The following CAB39 variants were observed in gnomAD, a reference collection of about 807,000 sequenced individuals.
The protein encoded by CAB39 is calcium binding protein 39.
A neutral mutation model predicts 40.0 loss-of-function variants in CAB39; 8 were observed. That is an observed-to-expected ratio of 0.20 (90% CI 0.12 to 0.36). The LOEUF (loss-of-function observed/expected upper bound fraction) is 0.36, where lower values mean the gene tolerates loss of function less well. Ranked by LOEUF, CAB39 falls within the 10% of genes least tolerant of loss-of-function variation. The pLI, the probability that CAB39 is intolerant of heterozygous loss-of-function variation, is 1.00. For synonymous variants in CAB39, 156 were observed against 141.6 expected, an observed-to-expected ratio of 1.10 and a Z score of -0.72; for missense variants, 270 against 401.1, an observed-to-expected ratio of 0.67 and a Z score of 2.79.
chr2:230,801,149 G>A (rs1387097274), intron 5 of CAB39, among the ~76,000 whole-genome samples: 1 of 152,290 alleles, frequency 6.6e-6, no homozygotes, highest in African/African-American at 2.4e-5. Context: ...CCCCCCAAAA[G>A]AGGGTTCTCC....
chr2:230,806,835 G>A (rs770256720), intron 5 of CAB39, among the ~76,000 whole-genome samples: 1 of 152,108 alleles, frequency 6.6e-6, no homozygotes, highest in Non-Finnish European at 1.5e-5. Context: ...GTAGGAAATG[G>A]GGCCAAATGG....
intron 1 of CAB39, among the ~76,000 whole-genome samples, chr2:230,728,239 A>AAAATAAATAAATAAATAAATAAAT (rs78505542): frequency 1.3e-5 from 2 of 151,814 alleles, no homozygotes; most frequent in African/African-American, 4.8e-5. Context: ...CTCCGTCTCA[A>AAAATAAATAAATAAATAAATAAAT]AAATAAATAA....
chr2:230,728,126 C>G (rs1263731810), intron 1 of CAB39, among the ~76,000 whole-genome samples: 2 of 152,118 alleles, frequency 1.3e-5, no homozygotes, highest in Non-Finnish European at 2.9e-5. Context: ...GTAGTCCCAG[C>G]TACTCGGCGG....
intron 7 of CAB39, among the ~76,000 whole-genome samples, chr2:230,816,320 T>C (rs1003388011): frequency 3.9e-5 from 6 of 152,226 alleles, no homozygotes; most frequent in African/African-American, 1.4e-4. Flanking sequence ...CTTCAGATTT[T>C]CTTTGGTTTC....
chr2:230,748,831 A>AAAAATATATATATAT (rs1386799920), intron 1 of CAB39, among the ~76,000 whole-genome samples: 5 of 28,506 alleles, frequency 1.8e-4, no homozygotes, highest in Non-Finnish European at 2.5e-4. Context: ...AAAAAAAAAA[A>AAAAATATATATATAT]ATATATATAT....
intron 2 of CAB39, among the ~76,000 whole-genome samples, chr2:230,776,113 A>C (rs1010522401): frequency 6.6e-6 from 1 of 152,178 alleles, no homozygotes; most frequent in East Asian, 1.9e-4. Flanking sequence ...TGACTTTAAG[A>C]GGTGGAGATA....
intron 1 of CAB39, among the ~76,000 whole-genome samples, chr2:230,723,509 C>T (rs888555208): frequency 5.9e-5 from 9 of 152,170 alleles, no homozygotes; most frequent in Admixed American, 6.6e-5. Context: ...TTCATCTCTA[C>T]GTTCCTGGAG....
At chr2:230,731,556 G>T (rs145323360) in intron 1 of CAB39, among the ~76,000 whole-genome samples, 54 of 152,320 alleles carry the variant, frequency 3.5e-4, no homozygotes, top group African/African-American at 1.2e-3. Flanking sequence ...GGCTGTGAGT[G>T]CATTAGTGTC....
Position 230,729,048 on chromosome 2 carries a change from CAATT to C in CAB39, c.-44+15822_-44+15825del, listed in dbSNP as rs199672747. Among the ~76,000 whole-genome samples, 1,347 of 152,312 alleles carry C rather than the reference CAATT, an allele frequency of 8.8e-3. 18 individuals carry two copies. The highest frequency in any genetic ancestry group is 0.028 in the African/African-American group (1,170 of 41,564). On this transcript the variant is annotated intron_variant, in intron 1 of 8. Coordinates refer to ENST00000258418, the MANE Select transcript of CAB39 (RefSeq NM_016289.4). ...AGTGTTTTAAGCACTTACATTATCT[CAATT>C]AATCCCCTCAGCCTGAAGAAAGAGA...
At chr2:230,745,649 A>G (rs889574774) in intron 1 of CAB39, among the ~76,000 whole-genome samples, 7 of 152,154 alleles carry the variant, frequency 4.6e-5, no homozygotes, top group South Asian at 2.1e-4. Flanking sequence ...AGGCGGGGCC[A>G]GAGTTTCGCG....
At chr2:230,762,931 G>A (rs1336090718) in intron 2 of CAB39, among the ~76,000 whole-genome samples, 1 of 152,184 alleles carries the variant, frequency 6.6e-6, no homozygotes, top group African/African-American at 2.4e-5. Context: ...TGATGATAGA[G>A]CACATTTCTT....
At chr2:230,762,339 T>G (rs1695309920) in intron 2 of CAB39, among the ~76,000 whole-genome samples, 1 of 152,236 alleles carries the variant, frequency 6.6e-6, no homozygotes, top group Non-Finnish European at 1.5e-5. Flanking sequence ...AGGGGACTTT[T>G]GACTGAACCA....
chr2:230,718,196 G>T (rs1157479418), intron 1 of CAB39, among the ~76,000 whole-genome samples: 1 of 152,170 alleles, frequency 6.6e-6, no homozygotes, highest in East Asian at 1.9e-4. Flanking sequence ...ACTGTTAAAA[G>T]ATCACACACT....
chr2:230,743,934 T>A (rs893927036), intron 1 of CAB39, among the ~76,000 whole-genome samples: 5 of 151,186 alleles, frequency 3.3e-5, no homozygotes, highest in Non-Finnish European at 5.9e-5. Context: ...TTTTTTTTTT[T>A]TTTAAGATGG....
intron 1 of CAB39, among the ~76,000 whole-genome samples, chr2:230,741,283 A>G (rs1272501726): frequency 1.3e-5 from 2 of 152,158 alleles, no homozygotes; most frequent in African/African-American, 4.8e-5. Flanking sequence ...GTCTTATTAG[A>G]CTGTTGAAAA....
At chr2:230,757,659 A>G (rs1695215456) in intron 1 of CAB39, among the ~76,000 whole-genome samples, 1 of 152,176 alleles carries the variant, frequency 6.6e-6, no homozygotes, top group African/African-American at 2.4e-5. Context: ...GTTGCATAGC[A>G]CCGTAACACT....
chr2:230,816,706 A>T (rs557648221), intron 7 of CAB39, among the ~76,000 whole-genome samples: 35 of 152,298 alleles, frequency 2.3e-4, no homozygotes, highest in African/African-American at 8.2e-4. Flanking sequence ...ATCTCTGCAG[A>T]TACAGGCCTG....
intron 1 of CAB39, among the ~76,000 whole-genome samples, chr2:230,753,250 A>T (rs1575921770): frequency 6.6e-6 from 1 of 152,178 alleles, no homozygotes. Flanking sequence ...GTAACTGTTC[A>T]TTTTATATGA....
chr2:230,764,537 T>C (rs968359554), intron 2 of CAB39, among the ~76,000 whole-genome samples: 4 of 152,242 alleles, frequency 2.6e-5, no homozygotes, highest in East Asian at 3.8e-4. Context: ...ATCTCCCAGA[T>C]GTTGACACAT....
Sources: gnomAD v4.1 joint callset for allele counts (sites outside exome capture counted in the v4.1 genomes callset) on GRCh38, gnomAD v4.1.1 for gene constraint, MANE v1.5 for transcripts, NCBI Gene and HGNC (gene_info 2026-07-23, HGNC 2026-07-21) for gene names.